The following LEMD3 variants were observed in gnomAD, a reference collection of about 807,000 sequenced individuals.
The protein encoded by LEMD3 is LEM domain containing 3, also known as inner nuclear membrane protein Man1.
Under a neutral mutation model 95.2 loss-of-function variants are expected in LEMD3, and 33 were observed. The ratio of observed to expected loss-of-function variants is 0.35; its 90% CI spans 0.26 to 0.46. LEMD3 has a LOEUF of 0.46. Among genes scored for constraint, LEMD3 ranks in the 20% least tolerant of loss-of-function variants. The probability of loss-of-function intolerance (pLI) is 1.00; values close to 1 mark genes in which losing one functional copy is unlikely to be tolerated. For synonymous variants in LEMD3, 525 were observed against 474.6 expected, an observed-to-expected ratio of 1.11 and a Z score of -1.38; for missense variants, 1,210 against 1,192.8, an observed-to-expected ratio of 1.01 and a Z score of -0.21.
chr12:65,170,539 G>C lies in LEMD3; in HGVS notation c.943G>C (p.Gly315Arg), dbSNP rs201228238. The C allele has an allele frequency of 6.9e-5, 112 of 1,613,968 alleles. No homozygotes were observed. The highest frequency in any genetic ancestry group is 8.9e-5 in the Non-Finnish European group (105 of 1,180,036). ...GGAGACTTCAGTTCAGGGAGGGGGA[G>C]GACTCGCGATGAATGACAGGGCGGC... is the stretch of plus-strand genomic sequence containing the variant. The part of the protein sequence containing the change: ...RLETSVQGGG[G>R]LAMNDRAAAA... Residue 315 changes from glycine to arginine, a missense_variant, in exon 1 of 13, where the codon GGA (glycine) becomes CGA (arginine). Physicochemically the swap from Gly to Arg is moderately radical, Grantham distance 125. Transcript: ENST00000308330.
chr12:65,190,568 G>T (rs752230917), intron 1 of LEMD3, among the ~76,000 whole-genome samples: 8 of 152,084 alleles, frequency 5.3e-5, no homozygotes, highest in Non-Finnish European at 1.2e-4. Flanking sequence ...TGACCTGGAA[G>T]CCCCTGCTTT....
Position 65,170,841 on chromosome 12 carries a change from G to T in LEMD3, c.1245G>T (p.Ala415=). The T allele has an allele frequency of 1.2e-6, 2 of 1,614,182 alleles. No homozygotes were observed. Among genetic ancestry groups the T allele is most frequent in the Non-Finnish European group, 1.7e-6 (2 of 1,180,040 alleles). Residue 415 remains alanine (A), a synonymous_variant, in exon 1 of 13, where the codon GCG becomes GCT. Transcript: ENST00000308330. ...IYSNSLPPSA[A]VAASSSLRIN... is the part of the protein sequence containing the mutation. ...CTAACAGTCTCCCTCCCAGTGCGGC[G>T]GTGGCCGCCTCTAGTTCACTCAGGA... is the stretch of plus-strand genomic sequence containing the variant.
chr12:65,198,741 T>A (rs1592440511), intron 1 of LEMD3, among the ~76,000 whole-genome samples: 2 of 152,316 alleles, frequency 1.3e-5, no homozygotes, highest in South Asian at 2.1e-4. Context: ...TTATAATACC[T>A]AATATGATGT....
At chr12:65,241,441 T>C (rs1870936891) in intron 9 of LEMD3, among the ~76,000 whole-genome samples, 1 of 151,492 alleles carries the variant, frequency 6.6e-6, no homozygotes, top group Non-Finnish European at 1.5e-5. Context: ...ATATAAACTA[T>C]ATATGTATAT....
At chr12:65,172,050 C>T (rs1236932958) in intron 1 of LEMD3, 2 of 152,158 alleles carry the variant, frequency 1.3e-5, no homozygotes, top group African/African-American at 4.8e-5. Flanking sequence ...TGTGGAGAAA[C>T]AGTAGACCAT....
At chr12:65,216,115 T>G (rs1198763811) in intron 3 of LEMD3, 72 bp downstream of exon 3, 1 of 976,474 alleles carries the variant, frequency 1.0e-6, no homozygotes, top group African/African-American at 1.6e-5. Flanking sequence ...TAGTAGAAAA[T>G]ATTTTTCCAA....
intron 1 of LEMD3, among the ~76,000 whole-genome samples, chr12:65,194,638 G>A (rs1869352565): frequency 6.6e-6 from 1 of 151,986 alleles, no homozygotes; most frequent in Non-Finnish European, 1.5e-5. Context: ...ACTGATGTAG[G>A]AGTAATTGGG....
chr12:65,234,131 T>C (rs11175693), intron 4 of LEMD3, among the ~76,000 whole-genome samples: 5,722 of 152,284 alleles, frequency 0.038, 354 homozygotes, highest in African/African-American at 0.13. Context: ...TGCCTTACCT[T>C]AGAGGTTAGC....
At chr12:65,215,335 G>C (rs1035380965) in intron 2 of LEMD3, among the ~76,000 whole-genome samples, 1 of 152,092 alleles carries the variant, frequency 6.6e-6, no homozygotes, top group African/African-American at 2.4e-5. Context: ...GGAGGGAAGA[G>C]AATCTTCTGT....
intron 4 of LEMD3, among the ~76,000 whole-genome samples, chr12:65,224,671 A>T (rs1247184804): frequency 6.6e-6 from 1 of 152,018 alleles, no homozygotes; most frequent in Admixed American, 6.5e-5. Context: ...TTGGTTTTCA[A>T]CAATTTGAAC....
At chr12:65,210,853 T>G in intron 1 of LEMD3, 73 bp from the exon 2 acceptor site, 3 of 1,123,004 alleles carry the variant, frequency 2.7e-6, no homozygotes, top group Non-Finnish European at 2.7e-6. Context: ...ATGCTGGCAT[T>G]TCAGAGAGTT....
chr12:65,211,143 T>G, intron 2 of LEMD3, among the ~76,000 whole-genome samples, 180 bp downstream of exon 2: 1 of 152,240 alleles, frequency 6.6e-6, no homozygotes, highest in East Asian at 1.9e-4. Context: ...ATAGGCTTTC[T>G]TATTCTGAGT....
rs373040508 is a variant in LEMD3 at position 65,239,948 on chromosome 12, C to T, written c.1941C>T (p.Val647=). The change falls in exon 7 of 13, where the codon GTC becomes GTT. Residue 647 remains valine, a synonymous_variant. Transcript: ENST00000308330. ...LLCLGVVMVC[V]VLRYMKYRWT... ...TTACAGGTGTAGTGATGGTTTGTGT[C>T]GTTCTGCGTTACATGAAATATCGAT... 1.2e-5 allele frequency: 20 copies of T among 1,609,350 alleles called. No individual in the cohort carries two copies. The highest frequency in any genetic ancestry group is 1.5e-5 in the Non-Finnish European group (18 of 1,176,070).
chr12:65,201,176 A>G (rs1047286974), intron 1 of LEMD3, among the ~76,000 whole-genome samples: 4 of 152,138 alleles, frequency 2.6e-5, no homozygotes, highest in Non-Finnish European at 5.9e-5. Context: ...TCTTTTACCA[A>G]TACCACACTG....
chr12:65,214,168 G>A (rs536298551), intron 2 of LEMD3, among the ~76,000 whole-genome samples: 1 of 152,044 alleles, frequency 6.6e-6, no homozygotes, highest in East Asian at 1.9e-4. Context: ...GGGTTCAAGT[G>A]ATTCTCCTGC....
chr12:65,199,475 C>T (rs949886210), intron 1 of LEMD3, among the ~76,000 whole-genome samples: 1 of 151,934 alleles, frequency 6.6e-6, no homozygotes, highest in Non-Finnish European at 1.5e-5. Flanking sequence ...TTTCTAGACA[C>T]AAGATCTTAT....
Position 65,169,586 on chromosome 12 carries a change from C to G in LEMD3, c.-11C>G, listed in dbSNP as rs560983978. 44 of 1,587,070 alleles carry G rather than the reference C, an allele frequency of 2.8e-5. No homozygotes were observed. The East Asian group carries it at 5.4e-4, about 20-fold the overall frequency. The stretch of plus-strand genomic sequence containing the variant: ...GGTAGCGCGGAGCTTGTAAAACACC[C>G]TGGAGAGAAAATGGCGGCGGCAGCA... On this transcript the variant is annotated 5_prime_UTR_variant, in exon 1 of 13. Transcript: ENST00000308330.
chr12:65,174,401 T>TA (rs1868648554), intron 1 of LEMD3, among the ~76,000 whole-genome samples: 1 of 152,204 alleles, frequency 6.6e-6, no homozygotes. Context: ...TAGATCATTA[T>TA]AGCCCACCAA....
chr12:65,183,275 G>T (rs2136320386), intron 1 of LEMD3, among the ~76,000 whole-genome samples: 1 of 151,950 alleles, frequency 6.6e-6, no homozygotes, highest in African/African-American at 2.4e-5. Flanking sequence ...GCTCTTTTTT[G>T]AATTAAGGCT....
Sources: gnomAD v4.1 joint callset for allele counts (sites outside exome capture counted in the v4.1 genomes callset) on GRCh38, gnomAD v4.1.1 for gene constraint, MANE v1.5 for transcripts, NCBI Gene and HGNC (gene_info 2026-07-23, HGNC 2026-07-21) for gene names.